The following SCFD2 variants were observed in gnomAD, a reference collection of about 807,000 sequenced individuals.
SCFD2 encodes sec1 family domain-containing protein 2.
SCFD2 carries 54 observed loss-of-function variants against 58.9 expected under a neutral mutation model. That is an observed-to-expected ratio of 0.92 (90% confidence interval 0.74 to 1.15). The LOEUF is 1.15. SCFD2 is among the 50% of genes most tolerant of loss of function. The probability of loss-of-function intolerance (pLI) is 0.00; values close to 1 mark genes in which losing one functional copy is unlikely to be tolerated. For missense variants in SCFD2, 805 were observed against 836.6 expected (o/e 0.96, Z 0.47); for synonymous variants, 321 against 335.9 (o/e 0.96, Z 0.49).
intron 5 of SCFD2, among the ~76,000 whole-genome samples, chr4:53,087,816 G>A (rs774647576): frequency 3.3e-5 from 5 of 151,386 alleles, no homozygotes; most frequent in South Asian, 2.1e-4. Flanking sequence ...ACCCACCACC[G>A]TGCCCAGCTA....
intron 3 of SCFD2, among the ~76,000 whole-genome samples, chr4:53,277,590 G>C (rs1485440235): frequency 6.6e-6 from 1 of 152,114 alleles, no homozygotes; most frequent in East Asian, 1.9e-4. Flanking sequence ...TCAACTGAAA[G>C]AAGAGGAATT....
intron 6 of SCFD2, among the ~76,000 whole-genome samples, chr4:52,915,409 T>A (rs1262950995): frequency 5.3e-5 from 8 of 152,196 alleles, no homozygotes. Flanking sequence ...ATTCATTTTG[T>A]TTCAACCCAA....
chr4:53,101,745 G>A (rs1724836441), intron 5 of SCFD2, among the ~76,000 whole-genome samples: 1 of 152,012 alleles, frequency 6.6e-6, no homozygotes, highest in Admixed American at 6.6e-5. Flanking sequence ...ATGTAGACTT[G>A]AACAAATGGA....
At chr4:52,950,472 A>C (rs1187492249) in intron 5 of SCFD2, 1 of 152,248 alleles carries the variant, frequency 6.6e-6, no homozygotes, top group African/African-American at 2.4e-5. Context: ...ATGCTCAGAC[A>C]TGTTTGTAGG....
At chr4:53,333,573 T>TC (rs1733570647) in intron 2 of SCFD2, among the ~76,000 whole-genome samples, 1 of 151,600 alleles carries the variant, frequency 6.6e-6, no homozygotes, top group Admixed American at 6.6e-5. Flanking sequence ...CTGGATCCCT[T>TC]CCTTATACCT....
intron 8 of SCFD2, among the ~76,000 whole-genome samples, chr4:52,880,404 G>A (rs927381910): frequency 2.0e-5 from 3 of 151,618 alleles, no homozygotes; most frequent in African/African-American, 7.3e-5. Context: ...ATCACTTGAG[G>A]TAGGAGTTCA....
rs542063333 is a variant in SCFD2, at chr4:52,978,568, C to T, written c.1562-57698G>A. On this transcript the variant is annotated intron_variant, in intron 5 of 8. Coordinates refer to ENST00000401642, the MANE Select transcript of SCFD2 (RefSeq NM_152540.4). Reference sequence around the variant, plus strand: ...TTATTACTGTTATTATAAAATAATACAGATGGTTTATTTCCTTAAGGTTTG... The same window carrying T: ...TTATTACTGTTATTATAAAATAATATAGATGGTTTATTTCCTTAAGGTTTG... Among the ~76,000 whole-genome samples the T allele has an allele frequency of 1.2e-3, 182 of 151,996 alleles. 1 individual carries two copies. In the South Asian group the frequency reaches 0.036, roughly 30 times the overall value.
Position 53,106,609 on chromosome 4 carries a change from G to A in SCFD2, c.1561+38724C>T, listed in dbSNP as rs192265780. On this transcript the variant is annotated intron_variant, in intron 5 of 8. Coordinates refer to ENST00000401642, the MANE Select transcript of SCFD2 (RefSeq NM_152540.4). ...TAGCCGAATGATCAAGAGGAAGAAAGGATATCAGAGATTGAAGATCAACTT... is the reference window on the plus strand; with the variant it reads ...TAGCCGAATGATCAAGAGGAAGAAAAGATATCAGAGATTGAAGATCAACTT... Among the ~76,000 whole-genome samples the A allele has an allele frequency of 3.1e-4, 47 of 152,234 alleles. No homozygotes were observed. In the East Asian group the frequency reaches 7.7e-3, roughly 25 times the overall value.
intron 5 of SCFD2, among the ~76,000 whole-genome samples, chr4:52,979,947 A>G (rs1351709): frequency 0.97 from 147,865 of 152,122 alleles, 72,020 homozygotes; most frequent in Middle Eastern, 1. Flanking sequence ...TTAGGTTCTC[A>G]TCACCTCTGG....
chr4:53,263,119 A>AC (rs1457159348), intron 4 of SCFD2, among the ~76,000 whole-genome samples: 128 of 151,956 alleles, frequency 8.4e-4, no homozygotes, highest in Admixed American at 2.6e-3. Flanking sequence ...GTTCTTATTT[A>AC]TGCTGTCTAT....
chr4:52,883,819 T>C (rs1020392562), intron 8 of SCFD2, among the ~76,000 whole-genome samples: 2 of 152,132 alleles, frequency 1.3e-5, no homozygotes, highest in African/African-American at 4.8e-5. Context: ...AATTTACAAA[T>C]TTATCAGAAA....
chr4:53,072,646 T>C (rs1723853669), intron 5 of SCFD2, among the ~76,000 whole-genome samples: 1 of 152,116 alleles, frequency 6.6e-6, no homozygotes. Context: ...TTTTGTGCCC[T>C]ATGCAAATGA....
At chr4:53,097,034 G>A (rs1724671353) in intron 5 of SCFD2, among the ~76,000 whole-genome samples, 1 of 152,150 alleles carries the variant, frequency 6.6e-6, no homozygotes, top group African/African-American at 2.4e-5. Flanking sequence ...TAGATGTGTG[G>A]TATTATTTCT....
chr4:52,905,003 C>A lies in SCFD2; in HGVS notation c.1842+2454G>T, dbSNP rs531951240. On this transcript the variant is annotated intron_variant, in intron 7 of 8. Transcript: ENST00000401642. ...CTAAGGCTGTCATGAGGATCAATAT[C>A]AGAATGAATGGTAAGAACTTGGCTG... 1.1e-4 allele frequency among the ~76,000 whole-genome samples: 17 copies of A among 152,312 alleles called. No individual in the cohort carries two copies. The South Asian group carries it at 1.4e-3, about 13-fold the overall frequency.
At chr4:52,933,342 T>C (rs1014933073) in intron 5 of SCFD2, among the ~76,000 whole-genome samples, 9 of 152,196 alleles carry the variant, frequency 5.9e-5, no homozygotes, top group African/African-American at 2.2e-4. Flanking sequence ...TGCTCACTCA[T>C]TTCCTTCAGC....
intron 5 of SCFD2, among the ~76,000 whole-genome samples, chr4:52,953,908 A>G (rs1230206696): frequency 6.6e-6 from 1 of 152,228 alleles, no homozygotes; most frequent in African/African-American, 2.4e-5. Flanking sequence ...ACCATTTTAT[A>G]GTGGAGTGGC....
chr4:53,338,090 T>C (rs755140062), intron 2 of SCFD2, among the ~76,000 whole-genome samples: 2 of 152,226 alleles, frequency 1.3e-5, no homozygotes, highest in African/African-American at 4.8e-5. Context: ...TAATAGATTC[T>C]GGAGTCCAGA....
At chr4:52,929,120 T>C (rs1451550197) in intron 5 of SCFD2, among the ~76,000 whole-genome samples, 1 of 152,124 alleles carries the variant, frequency 6.6e-6, no homozygotes. Flanking sequence ...AACTAAACTA[T>C]ACGTGGTTTA....
chr4:53,041,171 G>C (rs1364347616), intron 5 of SCFD2, among the ~76,000 whole-genome samples: 2 of 152,112 alleles, frequency 1.3e-5, no homozygotes, highest in Non-Finnish European at 2.9e-5. Flanking sequence ...CTAATTAAAA[G>C]GGTTTATGCA....
Sources: gnomAD v4.1 joint callset for allele counts (sites outside exome capture counted in the v4.1 genomes callset) on GRCh38, gnomAD v4.1.1 for gene constraint, MANE v1.5 for transcripts, NCBI Gene and HGNC (gene_info 2026-07-23, HGNC 2026-07-21) for gene names.